Variants in TMC1 observed in about 807,000 individuals in gnomAD.
The protein encoded by TMC1 is transmembrane channel like 1.
In TMC1, 84 loss-of-function variants were observed where a neutral mutation model predicts 105.8. The observed-to-expected ratio is 0.79, with a 90% confidence interval of 0.67 to 0.95. The LOEUF (loss-of-function observed/expected upper bound fraction) is 0.95, where lower values mean the gene tolerates loss of function less well. TMC1 is among the 40% of genes least tolerant of loss of function. The pLI is 0.00. For missense variants in TMC1, 817 were observed against 914.1 expected, an observed-to-expected ratio of 0.89 and a Z score of 1.37; for synonymous variants, 315 against 311.5, an observed-to-expected ratio of 1.01 and a Z score of -0.12.
intron 11 of TMC1, among the ~76,000 whole-genome samples, chr9:72,752,582 G>C (rs1339907418): frequency 6.6e-6 from 1 of 152,100 alleles, no homozygotes; most frequent in East Asian, 1.9e-4. Context: ...GCTAATGTGG[G>C]GAAAGGGTCA....
In TMC1 at chr9:72,805,473, G is replaced by A; in HGVS notation, c.1658G>A (p.Cys553Tyr). The change falls in exon 18 of 24, where the codon TGC becomes TAC. Residue 553 changes from cysteine to tyrosine, a missense_variant. By Grantham distance (194) the Cys-to-Tyr change is radical. Transcript: ENST00000297784. ...CTAAGGGCATGTTTTGTGAGGTTTT[G>A]CAATTATTGCTGGTGCTGGGACTTG... ...DFLRACFVRF[C>Y]NYCWCWDLEY... is the part of the protein sequence containing the mutation. 1 of 1,613,128 alleles carries A rather than the reference G, an allele frequency of 6.2e-7. No homozygotes were observed. The highest frequency in any genetic ancestry group is 1.1e-5 in the South Asian group (1 of 91,040).
chr9:72,605,896 T>A (rs956387535), intron 2 of TMC1, among the ~76,000 whole-genome samples: 3 of 152,146 alleles, frequency 2.0e-5, no homozygotes, highest in Non-Finnish European at 4.4e-5. Context: ...AAAATTTTAA[T>A]CTCACTTTAA....
At chr9:72,528,445 C>T (rs1356485983) in intron 1 of TMC1, among the ~76,000 whole-genome samples, 1 of 152,000 alleles carries the variant, frequency 6.6e-6, no homozygotes, top group African/African-American at 2.4e-5. Context: ...AGCGATTCTC[C>T]TGCCTCAGCT....
At chr9:72,753,792 C>A (rs1827624675) in intron 11 of TMC1, among the ~76,000 whole-genome samples, 1 of 152,192 alleles carries the variant, frequency 6.6e-6, no homozygotes, top group South Asian at 2.1e-4. Context: ...GGCAAATGCC[C>A]TTTTGCCCCA....
At chr9:72,663,224 C>A (rs1825992759) in intron 5 of TMC1, among the ~76,000 whole-genome samples, 1 of 152,070 alleles carries the variant, frequency 6.6e-6, no homozygotes, top group African/African-American at 2.4e-5. Flanking sequence ...TTCTTAGTTC[C>A]TGCTTAGCGG....
At chr9:72,742,095 T>C (rs1827397577) in intron 9 of TMC1, among the ~76,000 whole-genome samples, 1 of 152,228 alleles carries the variant, frequency 6.6e-6, no homozygotes, top group Non-Finnish European at 1.5e-5. Context: ...GAGTCCTTCA[T>C]ACAATGAAAA....
At chr9:72,584,790 T>TTTTTTTTTTTTTTTTTTTTTTTTA (rs1824528230) in intron 2 of TMC1, among the ~76,000 whole-genome samples, 1 of 144,804 alleles carries the variant, frequency 6.9e-6, no homozygotes, top group Non-Finnish European at 1.5e-5. Context: ...TTTTCTTTTT[T>TTTTTTTTTTTTTTTTTTTTTTTTA]TTTTTTTTTT....
intron 5 of TMC1, among the ~76,000 whole-genome samples, chr9:72,652,039 C>T (rs1489911051): frequency 6.6e-6 from 1 of 152,104 alleles, no homozygotes; most frequent in South Asian, 2.1e-4. Flanking sequence ...GCTTCACTTA[C>T]AATAATAGTC....
intron 5 of TMC1, among the ~76,000 whole-genome samples, chr9:72,658,347 A>C (rs1224647364): frequency 6.6e-6 from 1 of 152,108 alleles, no homozygotes; most frequent in African/African-American, 2.4e-5. Context: ...AAAAAAAAAA[A>C]ACTATGGTTG....
In TMC1 at chr9:72,821,291, C is replaced by T. The variant is rs113050423; in HGVS notation, c.2003+210C>T. 2.7e-3 allele frequency among the ~76,000 whole-genome samples: 409 copies of T among 151,830 alleles called. 3 individuals carry two copies. Among genetic ancestry groups the T allele is most frequent in the African/African-American group, 8.8e-3 (363 of 41,390 alleles). ...GGCAGATTACCTGAGGTCAGGAGTT[C>T]GAGACAAGCCTGGCCAACACGGTGA... On this transcript the variant is annotated intron_variant, in intron 20 of 23. Transcript: ENST00000297784.
chr9:72,591,018 G>A (rs1287760605), intron 2 of TMC1, among the ~76,000 whole-genome samples: 1 of 152,148 alleles, frequency 6.6e-6, no homozygotes, highest in African/African-American at 2.4e-5. Flanking sequence ...GAGTGGTTTA[G>A]GCCAAGAGAG....
intron 8 of TMC1, among the ~76,000 whole-genome samples, chr9:72,717,944 T>A (rs945254685): frequency 6.6e-6 from 1 of 152,050 alleles, no homozygotes; most frequent in African/African-American, 2.4e-5. Context: ...TTAGGTTTGG[T>A]CATTTAACAT....
At chr9:72,549,634 G>T (rs1210358069) in intron 1 of TMC1, among the ~76,000 whole-genome samples, 2 of 137,994 alleles carry the variant, frequency 1.4e-5, no homozygotes, top group East Asian at 2.1e-4. Context: ...TTTTTGAGAC[G>T]AAGTCTCACT....
At chr9:72,601,331 C>A (rs1405011877) in intron 2 of TMC1, among the ~76,000 whole-genome samples, 1 of 151,746 alleles carries the variant, frequency 6.6e-6, no homozygotes, top group African/African-American at 2.4e-5. Flanking sequence ...CATAGTGAGA[C>A]CCTGTCTCTA....
chr9:72,757,092 G>A (rs1827686676), intron 12 of TMC1, among the ~76,000 whole-genome samples: 1 of 152,172 alleles, frequency 6.6e-6, no homozygotes, highest in African/African-American at 2.4e-5. Context: ...ACAATACTAA[G>A]GCAATGAGAG....
intron 13 of TMC1, 73 bp from the exon 14 acceptor site, chr9:72,788,266 A>G: frequency 6.5e-7 from 1 of 1,542,608 alleles, no homozygotes; most frequent in East Asian, 2.2e-5. Context: ...TTCAACACTC[A>G]TGATCATGTT....
chr9:72,608,934 T>G lies in TMC1; in HGVS notation c.-305-7434T>G, dbSNP rs116479390. ...TCATCTACTGCCTTCACGACTGCAG[T>G]CACTTTCTCCAACAGTCTTTTCTCC... On this transcript the variant is annotated intron_variant, in intron 2 of 23. Transcript: ENST00000297784. Among the ~76,000 whole-genome samples the G allele has an allele frequency of 4.3e-3, 658 of 152,198 alleles. 11 individuals carry two copies. Among genetic ancestry groups the G allele is most frequent in the African/African-American group, 0.015 (620 of 41,520 alleles).
intron 21 of TMC1, 45 bp from the exon 22 acceptor site, chr9:72,830,406 A>G: frequency 7.7e-7 from 1 of 1,303,202 alleles, no homozygotes. Flanking sequence ...TATCTTGGGG[A>G]ACTGAAATAT....
chr9:72,670,106 G>T (rs1429963754), intron 5 of TMC1, among the ~76,000 whole-genome samples: 1 of 152,196 alleles, frequency 6.6e-6, no homozygotes, highest in East Asian at 1.9e-4. Context: ...TGAACAGAGA[G>T]TGAGCTCTGG....
Sources: allele counts gnomAD v4.1 joint callset (sites outside exome capture counted in the v4.1 genomes callset), GRCh38; gene constraint gnomAD v4.1.1; transcripts MANE v1.5; gene names NCBI Gene and HGNC (gene_info 2026-07-23, HGNC 2026-07-21).